NCK2: variants seen among roughly 807,000 people sequenced by gnomAD.
NCK2 encodes cytoplasmic protein NCK2.
NCK2 carries 16 observed loss-of-function variants against 33.9 expected under a neutral mutation model. The observed-to-expected ratio is 0.47, with a 90% CI of 0.32 to 0.72. The LOEUF is 0.72. Ranked by LOEUF, NCK2 falls within the 30% of genes least tolerant of loss-of-function variation. NCK2 has a pLI of 0.03. For missense variants in NCK2, 418 were observed against 537.3 expected (o/e 0.78, Z 2.19); for synonymous variants, 273 against 239.9 (o/e 1.14, Z -1.27).
At chr2:105,780,325 T>TACACACAC (rs57857814) in intron 1 of NCK2, among the ~76,000 whole-genome samples, 10 of 147,474 alleles carry the variant, frequency 6.8e-5, no homozygotes, top group South Asian at 2.2e-4. Flanking sequence ...GAGAGATATA[T>TACACACAC]ACACACACAC....
At chr2:105,788,108 C>A (rs1276130366) in intron 1 of NCK2, among the ~76,000 whole-genome samples, 2 of 152,166 alleles carry the variant, frequency 1.3e-5, no homozygotes, top group Non-Finnish European at 2.9e-5. Flanking sequence ...ATTTGACTTT[C>A]CTTTCACTTC....
intron 2 of NCK2, among the ~76,000 whole-genome samples, chr2:105,844,742 G>C (rs1237560304): frequency 1.4e-5 from 1 of 72,356 alleles, no homozygotes; most frequent in African/African-American, 6.1e-5. Flanking sequence ...CTTGGGGCGG[G>C]GGGGGATATA....
intron 2 of NCK2, among the ~76,000 whole-genome samples, chr2:105,852,994 TA>T (rs949467916): frequency 2.0e-4 from 30 of 152,194 alleles, no homozygotes; most frequent in Admixed American, 3.3e-4. Flanking sequence ...GTATTATTTA[TA>T]AAAAAATTTT....
intron 3 of NCK2, among the ~76,000 whole-genome samples, chr2:105,859,439 T>G (rs942287346): frequency 2.6e-5 from 4 of 152,138 alleles, no homozygotes; most frequent in Admixed American, 6.5e-5. Context: ...CAGGGCTCAC[T>G]CCTCAGCATT....
chr2:105,852,447 T>C (rs1366031512), intron 2 of NCK2, among the ~76,000 whole-genome samples: 1 of 152,190 alleles, frequency 6.6e-6, no homozygotes, highest in African/African-American at 2.4e-5. Context: ...TTCATAAAGA[T>C]ACTGATATAA....
At chr2:105,771,767 G>A (rs891753502) in intron 1 of NCK2, among the ~76,000 whole-genome samples, 1 of 152,172 alleles carries the variant, frequency 6.6e-6, no homozygotes, top group African/African-American at 2.4e-5. Flanking sequence ...TGGGTTGACC[G>A]CTACTGGCAG....
At chr2:105,815,534 C>T (rs772570295) in intron 1 of NCK2, among the ~76,000 whole-genome samples, 22 of 152,176 alleles carry the variant, frequency 1.4e-4, no homozygotes, top group Non-Finnish European at 1.5e-5. Flanking sequence ...AGGGTCCCCT[C>T]GAAAACGTTA....
At chr2:105,841,988 G>A (rs1227097741) in intron 2 of NCK2, among the ~76,000 whole-genome samples, 2 of 152,220 alleles carry the variant, frequency 1.3e-5, no homozygotes, top group African/African-American at 4.8e-5. Context: ...ATGTAAAATG[G>A]CACTAGCTGC....
intron 1 of NCK2, among the ~76,000 whole-genome samples, chr2:105,790,259 C>T (rs1690833094): frequency 6.6e-6 from 1 of 152,226 alleles, no homozygotes. Context: ...AAATGACAGA[C>T]TCGTTTCTTG....
At chr2:105,872,926 C>T (rs1359225467) in intron 3 of NCK2, among the ~76,000 whole-genome samples, 1 of 152,232 alleles carries the variant, frequency 6.6e-6, no homozygotes, top group Non-Finnish European at 1.5e-5. Flanking sequence ...TGATGCCCTT[C>T]CCGGAAGTGG....
chr2:105,882,998 G>A (rs1324246023), intron 4 of NCK2, among the ~76,000 whole-genome samples: 1 of 152,166 alleles, frequency 6.6e-6, no homozygotes, highest in Non-Finnish European at 1.5e-5. Context: ...TCATTCAAGG[G>A]TCCTGTTGAC....
chr2:105,816,866 C>A (rs1288813423), intron 2 of NCK2, among the ~76,000 whole-genome samples: 2 of 152,200 alleles, frequency 1.3e-5, no homozygotes, highest in African/African-American at 4.8e-5. Flanking sequence ...GGTACCTCCA[C>A]ACTCAGATAT....
At chr2:105,873,196 C>A (rs1163262015) in intron 3 of NCK2, among the ~76,000 whole-genome samples, 1 of 152,202 alleles carries the variant, frequency 6.6e-6, no homozygotes, top group Non-Finnish European at 1.5e-5. Flanking sequence ...TAAATTTGAC[C>A]TTGTCTGAAA....
intron 2 of NCK2, among the ~76,000 whole-genome samples, chr2:105,831,547 C>CA (rs2104523495): frequency 6.6e-6 from 1 of 151,578 alleles, no homozygotes; most frequent in African/African-American, 2.4e-5. Flanking sequence ...AGTCTTTAAT[C>CA]AATTTTGAGT....
chr2:105,817,490 C>CA (rs1213064877), intron 2 of NCK2, among the ~76,000 whole-genome samples: 1 of 152,116 alleles, frequency 6.6e-6, no homozygotes, highest in Admixed American at 6.5e-5. Context: ...TATGAGAAGA[C>CA]ACATTTTCAC....
chr2:105,746,327 C>T lies in NCK2; in HGVS notation c.-201+1189C>T, dbSNP rs528896850. Among the ~76,000 whole-genome samples, 23 of 152,242 alleles carry T rather than the reference C, an allele frequency of 1.5e-4. No homozygotes were observed. The East Asian group carries it at 3.9e-3, about 26-fold the overall frequency. ...CTGAGAGGCCGGTGGGCGTGGCTTG[C>T]TGGGACCTACAGGTAGGGGAGTCCC... On this transcript the variant is annotated intron_variant, in intron 1 of 4. Coordinates refer to ENST00000233154, the MANE Select transcript of NCK2 (RefSeq NM_003581.5).
intron 2 of NCK2, among the ~76,000 whole-genome samples, chr2:105,849,453 C>T (rs186302289): frequency 6.6e-6 from 1 of 152,246 alleles, no homozygotes; most frequent in East Asian, 1.9e-4. Context: ...ATTGGTTAGT[C>T]AGTGGAAAGG....
chr2:105,850,095 C>T (rs2104571069), intron 2 of NCK2, among the ~76,000 whole-genome samples: 1 of 152,274 alleles, frequency 6.6e-6, no homozygotes, highest in African/African-American at 2.4e-5. Flanking sequence ...GGCGGTGTCC[C>T]ATTTTACAGA....
chr2:105,764,793 TGTAA>T (rs1240264103), intron 1 of NCK2, among the ~76,000 whole-genome samples: 1 of 152,230 alleles, frequency 6.6e-6, no homozygotes, highest in African/African-American at 2.4e-5. Flanking sequence ...AGCTCATCCT[TGTAA>T]GTATTTATAA....
Sources: allele counts gnomAD v4.1 joint callset (sites outside exome capture counted in the v4.1 genomes callset), GRCh38; gene constraint gnomAD v4.1.1; transcripts MANE v1.5; gene names NCBI Gene and HGNC (gene_info 2026-07-23, HGNC 2026-07-21).